The following LYN variants were observed in gnomAD, a reference collection of about 807,000 sequenced individuals.
LYN encodes the protein tyrosine-protein kinase Lyn.
In LYN, 12 loss-of-function variants were observed where a neutral mutation model predicts 65.0. The ratio of observed to expected loss-of-function variants is 0.18; its 90% CI spans 0.12 to 0.30. The LOEUF (loss-of-function observed/expected upper bound fraction) is 0.30, where lower values mean the gene tolerates loss of function less well. Among genes scored for constraint, LYN ranks in the 10% least tolerant of loss-of-function variants. The probability of loss-of-function intolerance (pLI) is 1.00; values close to 1 mark genes in which losing one functional copy is unlikely to be tolerated. For synonymous variants in LYN, 222 were observed against 221.2 expected (o/e 1.00, Z -0.03); for missense variants, 380 against 623.2 (o/e 0.61, Z 4.16).
intron 3 of LYN, 106 bp from the exon 4 acceptor site, chr8:55,947,512 A>G (rs1806813644): frequency 1.3e-6 from 1 of 769,688 alleles, no homozygotes; most frequent in South Asian, 1.5e-5. Context: ...TCCTTCTTCC[A>G]GTTGCCCCCT....
At chr8:55,963,129 CAG>C (rs1807335291) in intron 8 of LYN, among the ~76,000 whole-genome samples, 1 of 152,234 alleles carries the variant, frequency 6.6e-6, no homozygotes, top group Non-Finnish European at 1.5e-5. Flanking sequence ...CAAACTATAT[CAG>C]AGTTTTTCCC....
chr8:55,941,041 A>T (rs1209219856), intron 1 of LYN, among the ~76,000 whole-genome samples: 1 of 152,088 alleles, frequency 6.6e-6, no homozygotes, highest in Non-Finnish European at 1.5e-5. Flanking sequence ...CTCTCCCATA[A>T]GTGTGTTTCC....
chr8:55,977,067 C>G (rs1037447810), intron 10 of LYN, among the ~76,000 whole-genome samples: 4 of 152,108 alleles, frequency 2.6e-5, no homozygotes, highest in Admixed American at 1.3e-4. Flanking sequence ...CGCCTGTAAT[C>G]CCAGCTACTC....
intron 10 of LYN, among the ~76,000 whole-genome samples, chr8:55,987,860 G>A (rs978390230): frequency 9.2e-5 from 14 of 152,250 alleles, no homozygotes; most frequent in East Asian, 1.9e-4. Context: ...CTTCGTCCTC[G>A]TTACTATGAA....
In LYN at chr8:55,952,071, G is replaced by A. The variant is rs1210415750; in HGVS notation, c.593G>A (p.Arg198Gln). The change falls in exon 7 of 13, where the codon CGA becomes CAA. Residue 198 changes from arginine (R) to glutamine (Q), a missense_variant. Physicochemically the swap from Arg to Gln is conservative, Grantham distance 43. Around this residue, in one of 2 missense-constraint regions of LYN, gnomAD observed 223 missense variants for 430.0 expected, o/e 0.52. Transcript: ENST00000519728. Reference sequence around the variant, plus strand: ...AATGGGGGCTATTACATCTCTCCACGAATCACTTTTCCCTGTATCAGCGAC... The same window carrying A: ...AATGGGGGCTATTACATCTCTCCACAAATCACTTTTCCCTGTATCAGCGAC... ...LDNGGYYISP[R>Q]ITFPCISDMI... is the part of the protein sequence containing the mutation. 2 of 1,605,398 alleles carry A rather than the reference G, an allele frequency of 1.2e-6. No individual in the cohort carries two copies. Among genetic ancestry groups the A allele is most frequent in the East Asian group, 2.2e-5 (1 of 44,630 alleles).
intron 1 of LYN, among the ~76,000 whole-genome samples, chr8:55,907,301 C>CT (rs112654600): frequency 2.0e-5 from 3 of 152,040 alleles, no homozygotes; most frequent in African/African-American, 7.2e-5. Flanking sequence ...ATCTCAAAAA[C>CT]TTTTTTTTCA....
Position 55,942,023 on chromosome 8 carries a change from C to T in LYN, c.132+32C>T, listed in dbSNP as rs758925814. On this transcript the variant is annotated intron_variant, in intron 2 of 12. Coordinates refer to ENST00000519728, the MANE Select transcript of LYN (RefSeq NM_002350.4). ...AGATAGTCTCAGGGGAGAATTCCCA[C>T]AGCAAGATCAAAGCATGGCTACATA... The T allele has an allele frequency of 1.9e-6, 3 of 1,609,504 alleles. No individual in the cohort carries two copies. In the African/African-American group the frequency reaches 4.0e-5, roughly 22 times the overall value.
chr8:55,968,361 T>C (rs1807519003), intron 9 of LYN, among the ~76,000 whole-genome samples: 1 of 152,188 alleles, frequency 6.6e-6, no homozygotes, highest in Non-Finnish European at 1.5e-5. Flanking sequence ...GTTCCAGTGA[T>C]TCTCCTGCCT....
intron 1 of LYN, among the ~76,000 whole-genome samples, chr8:55,938,428 T>C (rs1806504224): frequency 6.6e-6 from 1 of 152,248 alleles, no homozygotes; most frequent in Admixed American, 6.5e-5. Context: ...AAGTGCATTA[T>C]AAGCAAACTT....
At chr8:55,891,569 T>A (rs2130363267) in intron 1 of LYN, among the ~76,000 whole-genome samples, 1 of 152,218 alleles carries the variant, frequency 6.6e-6, no homozygotes, top group East Asian at 1.9e-4. Context: ...GCTTAATGGG[T>A]ACAGAGTTTC....
chr8:55,932,118 G>A lies in LYN; in HGVS notation c.-5-9737G>A, dbSNP rs141191081. On this transcript the variant is annotated intron_variant, in intron 1 of 12. Coordinates refer to ENST00000519728, the MANE Select transcript of LYN (RefSeq NM_002350.4). ...ATAGAACCATCCTGAAATAAGGAAA[G>A]GAAGTGTTCCTGTGCATAGGGATAC... Among the ~76,000 whole-genome samples the A allele has an allele frequency of 8.4e-3, 1,283 of 152,238 alleles. 7 individuals are homozygous for A. The highest frequency in any genetic ancestry group is 0.021 in the South Asian group (103 of 4,828).
At chr8:56,005,464 C>G (rs1222906162) in intron 12 of LYN, among the ~76,000 whole-genome samples, 1 of 152,230 alleles carries the variant, frequency 6.6e-6, no homozygotes, top group Non-Finnish European at 1.5e-5. Flanking sequence ...GCTGGCCTCC[C>G]TCCCTCATGG....
chr8:55,974,463 G>A (rs888316146), intron 10 of LYN, among the ~76,000 whole-genome samples: 1 of 152,140 alleles, frequency 6.6e-6, no homozygotes, highest in Non-Finnish European at 1.5e-5. Flanking sequence ...GGAAGTTCTC[G>A]ACCTTTTTGA....
chr8:55,905,524 T>C (rs1805395275), intron 1 of LYN, among the ~76,000 whole-genome samples: 1 of 152,216 alleles, frequency 6.6e-6, no homozygotes, highest in South Asian at 2.1e-4. Context: ...TCAGATGTCC[T>C]GGAGTGCTGA....
chr8:55,949,022 CA>C (rs1806863778), intron 4 of LYN, among the ~76,000 whole-genome samples: 1 of 152,176 alleles, frequency 6.6e-6, no homozygotes, highest in Non-Finnish European at 1.5e-5. Context: ...CCCCCATTAC[CA>C]GCTTACCTGC....
intron 1 of LYN, among the ~76,000 whole-genome samples, chr8:55,938,928 C>T (rs1161201540): frequency 6.6e-6 from 1 of 152,182 alleles, no homozygotes; most frequent in Admixed American, 6.5e-5. Flanking sequence ...GTTTTCTCCT[C>T]TGTAAAGTCA....
intron 2 of LYN, among the ~76,000 whole-genome samples, chr8:55,944,396 CAAAA>C (rs1563522328): frequency 6.6e-6 from 1 of 152,002 alleles, no homozygotes; most frequent in African/African-American, 2.4e-5. Flanking sequence ...TCAGAGTTCT[CAAAA>C]AAAGATCTGA....
chr8:55,935,892 T>C (rs1301656211), intron 1 of LYN, among the ~76,000 whole-genome samples: 13 of 151,956 alleles, frequency 8.6e-5, no homozygotes, highest in Admixed American at 2.6e-4. Flanking sequence ...CCTCACCAAG[T>C]CTCTCCAGCA....
intron 7 of LYN, among the ~76,000 whole-genome samples, chr8:55,952,976 C>T (rs758446641): frequency 6.6e-6 from 1 of 152,114 alleles, no homozygotes; most frequent in East Asian, 1.9e-4. Context: ...GTTGTTGCCC[C>T]GGCTCCTTTC....
Sources: allele counts gnomAD v4.1 joint callset (sites outside exome capture counted in the v4.1 genomes callset), GRCh38; gene constraint gnomAD v4.1.1; regional missense constraint gnomAD v4.1.1; transcripts MANE v1.5; gene names NCBI Gene and HGNC (gene_info 2026-07-23, HGNC 2026-07-21).